ARID5A: variants seen among roughly 807,000 people sequenced by gnomAD.
ARID5A encodes AT-rich interactive domain-containing protein 5A.
A neutral mutation model predicts 30.5 loss-of-function variants in ARID5A; 14 were observed. The observed-to-expected ratio is 0.46, with a 90% CI of 0.30 to 0.72. ARID5A has a LOEUF of 0.72. ARID5A is among the 30% of genes least tolerant of loss of function. ARID5A has a pLI of 0.07. For missense variants in ARID5A, 669 were observed against 786.2 expected (o/e 0.85, Z 1.78); for synonymous variants, 338 against 340.4 (o/e 0.99, Z 0.08).
chr2:96,551,565 C>T lies in ARID5A; in HGVS notation c.1037C>T (p.Thr346Ile). ...AAPIFKGCFYTHPTEVLKPVS... is the reference protein window; with the variant it reads ...AAPIFKGCFYIHPTEVLKPVS... ...CCCATCTTCAAGGGCTGCTTCTACACCCACCCCACCGAGGTGCTGAAGCCT... is the reference window on the plus strand; with the variant it reads ...CCCATCTTCAAGGGCTGCTTCTACATCCACCCCACCGAGGTGCTGAAGCCT... The change falls in exon 7 of 7, where the codon ACC becomes ATC. Residue 346 changes from threonine to isoleucine, a missense_variant. This residue lies in a region of ARID5A where 548 missense variants were observed against 577.4 expected (regional missense o/e 0.95). Transcript: ENST00000357485. 1 of 1,600,750 alleles carries T rather than the reference C, an allele frequency of 6.2e-7. No individual in the cohort carries two copies. Among genetic ancestry groups the T allele is most frequent in the Non-Finnish European group, 8.5e-7 (1 of 1,175,640 alleles).
At position 96,552,467 on chromosome 2, in the gene ARID5A, T is replaced by TGGGAAAACTGGGTTTATCTCAAGGCAGC; in HGVS notation, c.*155_*182dup. The TGGGAAAACTGGGTTTATCTCAAGGCAGC allele has an allele frequency of 6.5e-7, 1 of 1,540,296 alleles. No individual in the cohort carries two copies. The highest frequency in any genetic ancestry group is 8.7e-7 in the Non-Finnish European group (1 of 1,147,240). Reference sequence around the variant, plus strand: ...CTGGCACAAGTGAAGAAGAAGGCAGTGGGAAAACTGGGTTTATCTCAAGGC... The same window carrying TGGGAAAACTGGGTTTATCTCAAGGCAGC: ...CTGGCACAAGTGAAGAAGAAGGCAGTGGGAAAACTGGGTTTATCTCAAGGCAGCGGGAAAACTGGGTTTATCTCAAGGC... On this transcript the variant is annotated 3_prime_UTR_variant, in exon 7 of 7. Coordinates refer to ENST00000357485, the MANE Select transcript of ARID5A (RefSeq NM_212481.3).
rs776386275 is a variant in ARID5A, at chr2:96,551,711, C to T, written c.1183C>T (p.Arg395Cys). Residue 395 changes from arginine to cysteine, a missense_variant, in exon 7 of 7, where the codon CGC becomes TGC. Physicochemically the swap from Arg to Cys is radical, Grantham distance 180. Around this residue, in one of 4 missense-constraint regions of ARID5A, gnomAD observed 548 missense variants for 577.4 expected, o/e 0.95. Transcript: ENST00000357485. ...GCTGGTGTGGGGCGGAGACGCTAAC[C>T]GCCCTTCTGCGTTCCATAAAGGTGG... ...PQLVWGGDAN[R>C]PSAFHKGGSR... The T allele has an allele frequency of 1.6e-5, 25 of 1,518,990 alleles. No individual in the cohort carries two copies. The highest frequency in any genetic ancestry group is 5.6e-5 in the African/African-American group (4 of 71,622). The allele number at this position is 1,518,990 out of a possible 1,614,324, so 94.1% of individuals were successfully genotyped here.
rs1573208653 is a variant in ARID5A at position 96,552,560 on chromosome 2, A to C, written c.*247A>C. ...CGCTGGGAGAGGATGGGCAGCTCCC[A>C]CTGCCCCAGAGCGGAGCTCGAAGCA... On this transcript the variant is annotated 3_prime_UTR_variant, in exon 7 of 7. Coordinates refer to ENST00000357485, the MANE Select transcript of ARID5A (RefSeq NM_212481.3). The C allele has an allele frequency of 6.6e-7, 1 of 1,521,250 alleles. No individual in the cohort carries two copies. Among genetic ancestry groups the C allele is most frequent in the Non-Finnish European group, 8.8e-7 (1 of 1,138,554 alleles). The allele number at this position is 1,521,250 out of a possible 1,614,324, so 94.2% of individuals were successfully genotyped here. A position where few individuals can be genotyped will look rare whatever the true frequency, so the allele number is the denominator to read the frequency against.
At chr2:96,536,881 G>C in intron 1 of ARID5A, 51 bp downstream of exon 1, 2 of 1,225,226 alleles carry the variant, frequency 1.6e-6, no homozygotes, top group Non-Finnish European at 2.0e-6. Flanking sequence ...GCCCTGCAGG[G>C]AGGTTCAAGG....
At chr2:96,541,502 T>G (rs910901702) in intron 1 of ARID5A, among the ~76,000 whole-genome samples, 3 of 152,164 alleles carry the variant, frequency 2.0e-5, no homozygotes, top group Non-Finnish European at 4.4e-5. Context: ...CCAGAAATAG[T>G]CCCAGATGTG....
rs779502556 is a variant in ARID5A at position 96,551,887 on chromosome 2, C to T, written c.1359C>T (p.Ala453=). The part of the protein sequence containing the change: ...SKRSLEEEGA[A]HSGKRLRAVS... ...GCAGCCTGGAGGAAGAGGGTGCTGC[C>T]CACAGTGGGAAGAGACTGCGGGCCG... Residue 453 remains alanine (A), a synonymous_variant, in exon 7 of 7, where the codon GCC becomes GCT. Coordinates refer to ENST00000357485, the MANE Select transcript of ARID5A (RefSeq NM_212481.3). The T allele has an allele frequency of 1.3e-6, 2 of 1,563,396 alleles. No individual in the cohort carries two copies. The highest frequency in any genetic ancestry group is 4.5e-5 in the East Asian group (2 of 44,390).
chr2:96,541,141 G>T (rs953881709), intron 1 of ARID5A, among the ~76,000 whole-genome samples: 1 of 149,866 alleles, frequency 6.7e-6, no homozygotes, highest in Non-Finnish European at 1.5e-5. Flanking sequence ...GGGTTCAAGC[G>T]ATTCTCCTGC....
At position 96,536,783 on chromosome 2, in the gene ARID5A, G is replaced by A. The variant is rs936691782; in HGVS notation, c.-44G>A. The stretch of plus-strand genomic sequence containing the variant: ...GAGAGCGCGGGGTCCGGACAGCCGC[G>A]CGCTGAGGGTCTCGGGGCGGGCGCC... On this transcript the variant is annotated 5_prime_UTR_variant, in exon 1 of 7. Transcript: ENST00000357485. 2.5e-6 allele frequency: 3 copies of A among 1,187,572 alleles called. No homozygotes were observed. The highest frequency in any genetic ancestry group is 3.1e-6 in the Non-Finnish European group (3 of 961,704). 73.6% of individuals were successfully genotyped at this position (1,187,572 alleles called of 1,614,324 possible).
intron 1 of ARID5A, among the ~76,000 whole-genome samples, chr2:96,538,610 C>T (rs1055710513): frequency 6.6e-6 from 1 of 152,204 alleles, no homozygotes; most frequent in African/African-American, 2.4e-5. Context: ...GGAGCAAGCT[C>T]GCGTAGACTC....
rs561307319 is a variant in ARID5A at position 96,551,459 on chromosome 2, C to G, written c.931C>G (p.Arg311Gly). The change falls in exon 7 of 7, where the codon CGG (arginine) becomes GGG (glycine). Residue 311 changes from arginine to glycine, a missense_variant. By Grantham distance (125) the Arg-to-Gly change is moderately radical. Coordinates refer to ENST00000357485, the MANE Select transcript of ARID5A (RefSeq NM_212481.3). ...PKGLTENSRH[R>G]LTPQEGLQAP... ...AGGGCTGACTGAGAACTCCAGGCAC[C>G]GGCTGACCCCTCAGGAGGGATTGCA... 3.8e-6 allele frequency: 6 copies of G among 1,589,668 alleles called. No individual in the cohort carries two copies. In the South Asian group the frequency reaches 6.8e-5, roughly 18 times the overall value.
chr2:96,546,455 A>C (rs568875515), intron 1 of ARID5A, among the ~76,000 whole-genome samples: 2 of 152,338 alleles, frequency 1.3e-5, no homozygotes, highest in African/African-American at 4.8e-5. Flanking sequence ...GGTGGTTCTT[A>C]GTAAAATACA....
rs201238689 is a variant in ARID5A, at chr2:96,549,330, G to C, written c.130G>C (p.Glu44Gln). ...QNPISLEDSP[E>Q]AGGEREEEQE... The stretch of plus-strand genomic sequence containing the variant: ...CCTGTTCTCTCCCCAGGACTCCCCC[G>C]AGGCAGGCGGGGAGCGGGAGGAGGA... Residue 44 changes from glutamate (E) to glutamine (Q), a missense_variant, in exon 3 of 7, where the codon GAG becomes CAG. Transcript: ENST00000357485. This position sits in a 1 kb window ranked among gnomAD's most constrained non-coding sequence, Gnocchi z 6.1. 1.2e-6 allele frequency: 2 copies of C among 1,613,326 alleles called. No individual in the cohort carries two copies. Among genetic ancestry groups the C allele is most frequent in the East Asian group, 2.2e-5 (1 of 44,882 alleles).
At chr2:96,547,839 C>G (rs1018131260) in intron 2 of ARID5A, among the ~76,000 whole-genome samples, 2 of 152,206 alleles carry the variant, frequency 1.3e-5, no homozygotes, top group South Asian at 2.1e-4. Flanking sequence ...TAAAGTCACT[C>G]GGTGAGACCA....
intron 1 of ARID5A, among the ~76,000 whole-genome samples, chr2:96,545,220 A>C (rs988153331): frequency 3.5e-5 from 5 of 141,406 alleles, no homozygotes; most frequent in African/African-American, 1.3e-4. Context: ...ACAGTGGAGT[A>C]ATCTCAGCTC....
Position 96,552,055 on chromosome 2 carries a change from G to A in ARID5A, c.1527G>A (p.Leu509=). 1.5e-5 allele frequency: 23 copies of A among 1,573,842 alleles called. No homozygotes were observed. The highest frequency in any genetic ancestry group is 1.9e-5 in the Non-Finnish European group (22 of 1,159,456). Residue 509 remains leucine (L), a synonymous_variant, in exon 7 of 7, where the codon CTG becomes CTA. Coordinates refer to ENST00000357485, the MANE Select transcript of ARID5A (RefSeq NM_212481.3). ...AYRGTMLHCP[L]NFTGTPGPLK... ...GGGGCACCATGCTGCACTGCCCGCT[G>A]AACTTCACTGGCACCCCGGGCCCCT...
rs891292781 is a variant in ARID5A, at chr2:96,539,872, G to A, written c.4+3042G>A. ...AACTGCACATCTACTTGGGGAAAGGGGACAAGTTTGCATCCTCTGAGCACA... is the reference window on the plus strand; with the variant it reads ...AACTGCACATCTACTTGGGGAAAGGAGACAAGTTTGCATCCTCTGAGCACA... On this transcript the variant is annotated intron_variant, in intron 1 of 6. Coordinates refer to ENST00000357485, the MANE Select transcript of ARID5A (RefSeq NM_212481.3). The surrounding 1 kb of genome is among the most constrained non-coding windows in gnomAD (Gnocchi z 4.7). Among the ~76,000 whole-genome samples the A allele has an allele frequency of 2.0e-5, 3 of 152,190 alleles. No individual in the cohort carries two copies. Among genetic ancestry groups the A allele is most frequent in the Admixed American group, 1.3e-4 (2 of 15,278 alleles).
rs578208957 is a variant in ARID5A, at chr2:96,539,920, T to G, written c.4+3090T>G. ...ACAGATAAGGAACTTGAGGTCTCCC[T>G]GCTCCCATTAGAAAGAAAAAAATCT... On this transcript the variant is annotated intron_variant, in intron 1 of 6. Transcript: ENST00000357485. The surrounding 1 kb of genome is among the most constrained non-coding windows in gnomAD (Gnocchi z 4.7). Among the ~76,000 whole-genome samples, 2 of 152,300 alleles carry G rather than the reference T, an allele frequency of 1.3e-5. No homozygotes were observed. Among genetic ancestry groups the G allele is most frequent in the East Asian group, 3.9e-4 (2 of 5,150 alleles).
intron 1 of ARID5A, among the ~76,000 whole-genome samples, chr2:96,545,502 C>T (rs1573191910): frequency 6.6e-6 from 1 of 152,172 alleles, no homozygotes; most frequent in Non-Finnish European, 1.5e-5. Flanking sequence ...ATGCTGTGAA[C>T]ATTGTCAAAA....
At position 96,551,762 on chromosome 2, in the gene ARID5A, A is replaced by G. The variant is rs758229260; in HGVS notation, c.1234A>G (p.Lys412Glu). ...CTCCAGAAAGGGCATCCTCTACCCC[A>G]AGCCCAAAGCCTGCTGGGTGTCCCC... is the stretch of plus-strand genomic sequence containing the variant. Reference protein sequence around the residue: ...GGSRKGILYPKPKACWVSPMA... With the variant: ...GGSRKGILYPEPKACWVSPMA... The change falls in exon 7 of 7, where the codon AAG (lysine) becomes GAG (glutamate). Residue 412 changes from lysine (K) to glutamate (E), a missense_variant. This residue lies in a region of ARID5A where 548 missense variants were observed against 577.4 expected (regional missense o/e 0.95). Transcript: ENST00000357485. 46 of 1,530,126 alleles carry G rather than the reference A, an allele frequency of 3.0e-5. No individual in the cohort carries two copies. The highest frequency in any genetic ancestry group is 3.9e-5 in the Non-Finnish European group (45 of 1,142,420). The allele number at this position is 1,530,126 out of a possible 1,614,324, so 94.8% of individuals were successfully genotyped here.
Sources: gnomAD v4.1 joint callset for allele counts (sites outside exome capture counted in the v4.1 genomes callset) on GRCh38, gnomAD v4.1.1 for gene constraint, gnomAD v4.1.1 regional missense constraint, Gnocchi (gnomAD v3.1) non-coding constraint, MANE v1.5 for transcripts, NCBI Gene and HGNC (gene_info 2026-07-23, HGNC 2026-07-21) for gene names.